Variants in FHIT observed in about 807,000 individuals in gnomAD.
FHIT encodes the protein bis(5'-adenosyl)-triphosphatase.
FHIT carries 19 observed loss-of-function variants against 17.9 expected under a neutral mutation model. The observed-to-expected ratio is 1.06, with a 90% CI of 0.74 to 1.56. The LOEUF is 1.56. Among genes scored for constraint, FHIT ranks in the 40% most tolerant of loss-of-function variants. The pLI is 0.00. For missense variants in FHIT, 248 were observed against 189.2 expected (o/e 1.31, Z -1.82); for synonymous variants, 81 against 69.7 (o/e 1.16, Z -0.81).
chr3:60,934,100 TAA>T (rs1708082046), intron 3 of FHIT, among the ~76,000 whole-genome samples: 1 of 152,160 alleles, frequency 6.6e-6, no homozygotes, highest in Admixed American at 6.5e-5. Context: ...CAATCTGCAA[TAA>T]ACCTATTGAG....
intron 5 of FHIT, among the ~76,000 whole-genome samples, chr3:60,275,230 G>T (rs199904515): frequency 1.5e-5 from 2 of 131,116 alleles, no homozygotes; most frequent in Admixed American, 7.4e-5. Context: ...TGGAAGAAAA[G>T]AAAAAAAAAA....
chr3:60,063,638 GA>G (rs1702382840), intron 5 of FHIT, among the ~76,000 whole-genome samples: 1 of 152,214 alleles, frequency 6.6e-6, no homozygotes, highest in African/African-American at 2.4e-5. Context: ...TGGTTGTTGA[GA>G]GAGAACATTT....
intron 4 of FHIT, among the ~76,000 whole-genome samples, chr3:60,616,477 C>T (rs557426343): frequency 6.6e-6 from 1 of 152,216 alleles, no homozygotes; most frequent in East Asian, 1.9e-4. Flanking sequence ...AACTAATAAG[C>T]AATCATAGCA....
chr3:59,999,545 A>G (rs926801711), intron 7 of FHIT, among the ~76,000 whole-genome samples: 2 of 152,152 alleles, frequency 1.3e-5, no homozygotes, highest in Admixed American at 1.3e-4. Flanking sequence ...AATATTTTAG[A>G]GTGGATGATC....
chr3:60,558,937 G>T (rs1055724432), intron 4 of FHIT, among the ~76,000 whole-genome samples: 95 of 152,262 alleles, frequency 6.2e-4, no homozygotes, highest in African/African-American at 2.2e-3. Flanking sequence ...GATAATACGT[G>T]TATCTTCCAG....
intron 4 of FHIT, among the ~76,000 whole-genome samples, chr3:60,784,545 A>C (rs1304309130): frequency 1.3e-5 from 2 of 152,140 alleles, no homozygotes; most frequent in Non-Finnish European, 2.9e-5. Flanking sequence ...CATGTTGGCC[A>C]GGCTGATCTT....
At chr3:60,320,400 A>G (rs1444026716) in intron 5 of FHIT, among the ~76,000 whole-genome samples, 4 of 152,214 alleles carry the variant, frequency 2.6e-5, no homozygotes, top group African/African-American at 9.7e-5. Flanking sequence ...ACCAAAAAGA[A>G]GCAATAGCAA....
chr3:60,715,180 G>A (rs1234494545), intron 4 of FHIT, among the ~76,000 whole-genome samples: 1 of 151,606 alleles, frequency 6.6e-6, no homozygotes, highest in Non-Finnish European at 1.5e-5. Context: ...AACAAGCAAT[G>A]GGGAAAGGAT....
chr3:60,770,626 T>C (rs1700013731), intron 4 of FHIT, among the ~76,000 whole-genome samples: 1 of 152,210 alleles, frequency 6.6e-6, no homozygotes, highest in Non-Finnish European at 1.5e-5. Context: ...AAATCCTTCG[T>C]ATCCTAGATG....
intron 5 of FHIT, among the ~76,000 whole-genome samples, chr3:60,378,427 G>C (rs1267992880): frequency 1.3e-5 from 2 of 152,172 alleles, no homozygotes; most frequent in African/African-American, 4.8e-5. Flanking sequence ...CTTGCAGATA[G>C]AGCTTACAAA....
intron 5 of FHIT, among the ~76,000 whole-genome samples, chr3:60,485,316 A>G (rs2205041): frequency 0.85 from 129,965 of 152,130 alleles, 56,286 homozygotes; most frequent in Non-Finnish European, 0.93. Context: ...TATGCCCAAA[A>G]GAATATAAAT....
intron 5 of FHIT, among the ~76,000 whole-genome samples, chr3:60,464,557 G>A (rs141428498): frequency 1.1e-4 from 17 of 151,456 alleles, no homozygotes; most frequent in African/African-American, 2.2e-4. Context: ...CTCTCTTTCC[G>A]TGAGCTCAGT....
At chr3:60,098,093 G>A (rs1024945202) in intron 5 of FHIT, among the ~76,000 whole-genome samples, 11 of 149,842 alleles carry the variant, frequency 7.3e-5, no homozygotes, top group South Asian at 2.2e-4. Context: ...TATGTGCCAC[G>A]TTTTCTTAAT....
At chr3:61,146,972 A>C (rs2037243295) in intron 2 of FHIT, among the ~76,000 whole-genome samples, 1 of 151,988 alleles carries the variant, frequency 6.6e-6, no homozygotes. Context: ...CTTTATGTAC[A>C]TTCCTCTGTA....
chr3:59,943,239 GAGA>G lies in FHIT; in HGVS notation c.280-20828_280-20826del, dbSNP rs1379853585. ...GGAACCAGCTCAGGGCTTTGAAAAG[GAGA>G]AGGCCAGTGAGCGCCCACCATTTGC... On this transcript the variant is annotated intron_variant, in intron 7 of 9. Transcript: ENST00000492590. 2.0e-5 allele frequency among the ~76,000 whole-genome samples: 3 copies of G among 152,102 alleles called. 1 individual carries two copies. Among genetic ancestry groups the G allele is most frequent in the Middle Eastern group, 6.3e-3 (2 of 316 alleles).
intron 7 of FHIT, among the ~76,000 whole-genome samples, chr3:59,934,824 G>A (rs1297695551): frequency 1.3e-5 from 2 of 152,110 alleles, no homozygotes; most frequent in African/African-American, 4.8e-5. Flanking sequence ...AACACGATGG[G>A]GGAAACTGCC....
intron 5 of FHIT, among the ~76,000 whole-genome samples, chr3:60,428,928 G>A (rs1702774087): frequency 6.6e-6 from 1 of 152,042 alleles, no homozygotes; most frequent in Admixed American, 6.6e-5. Flanking sequence ...AAAAATAATT[G>A]GATATGCTTG....
intron 5 of FHIT, among the ~76,000 whole-genome samples, chr3:60,411,227 T>G (rs544599214): frequency 6.6e-6 from 1 of 152,210 alleles, no homozygotes; most frequent in Non-Finnish European, 1.5e-5. Flanking sequence ...TTAAATCTGA[T>G]GACTTGGGTC....
chr3:60,427,105 C>CT (rs534661545), intron 5 of FHIT, among the ~76,000 whole-genome samples: 56 of 151,826 alleles, frequency 3.7e-4, no homozygotes, highest in African/African-American at 1.3e-3. Flanking sequence ...GGGGCTGAGG[C>CT]TTTTTTTTCT....
Sources: allele counts gnomAD v4.1 joint callset (sites outside exome capture counted in the v4.1 genomes callset), GRCh38; gene constraint gnomAD v4.1.1; transcripts MANE v1.5; gene names NCBI Gene and HGNC (gene_info 2026-07-23, HGNC 2026-07-21).